The following NR2C2 variants were observed in gnomAD, a reference collection of about 807,000 sequenced individuals.
The protein encoded by NR2C2 is nuclear receptor subfamily 2 group C member 2.
NR2C2 carries 6 observed loss-of-function variants against 62.9 expected under a neutral mutation model. The ratio of observed to expected loss-of-function variants is 0.10; its 90% confidence interval spans 0.05 to 0.19. The LOEUF (loss-of-function observed/expected upper bound fraction) is 0.19, where lower values mean the gene tolerates loss of function less well. Ranked by LOEUF, NR2C2 falls within the 10% of genes least tolerant of loss-of-function variation. The pLI, the probability that NR2C2 is intolerant of heterozygous loss-of-function variation, is 1.00. For missense variants in NR2C2, 479 were observed against 762.7 expected (o/e 0.63, Z 4.38); for synonymous variants, 272 against 273.8 (o/e 0.99, Z 0.07).
intron 12 of NR2C2, chr3:15,038,817 G>A (rs753062039): frequency 1.5e-5 from 4 of 259,336 alleles, no homozygotes; most frequent in Non-Finnish European, 2.9e-5. Flanking sequence ...GTAATTTTAT[G>A]TGATAGTTTT....
At chr3:14,964,510 A>C (rs111330418) in intron 1 of NR2C2, among the ~76,000 whole-genome samples, 2 of 596 alleles carry the variant, frequency 3.4e-3, no homozygotes, top group South Asian at 0.12. Context: ...TTTCTATTTT[A>C]TATTTTTTAT....
chr3:14,978,030 A>T (rs988516891), intron 1 of NR2C2, among the ~76,000 whole-genome samples: 1 of 152,190 alleles, frequency 6.6e-6, no homozygotes, highest in African/African-American at 2.4e-5. Context: ...ATTGCACTAC[A>T]GCCTGGGTGA....
At chr3:14,996,021 G>A (rs2124878263) in intron 1 of NR2C2, among the ~76,000 whole-genome samples, 1 of 152,206 alleles carries the variant, frequency 6.6e-6, no homozygotes, top group South Asian at 2.1e-4. Flanking sequence ...ATTGGTTTTT[G>A]TCTTCTTTTC....
Position 15,030,459 on chromosome 3 carries a change from G to A in NR2C2, c.1110+7G>A, listed in dbSNP as rs148867520. 8.5e-4 allele frequency: 1,333 copies of A among 1,570,354 alleles called. 11 individuals are homozygous for A. In the African/African-American group the frequency reaches 0.017, roughly 19 times the overall value. On this transcript the variant is annotated splice_region_variant and intron_variant, in intron 9 of 13. Transcript: ENST00000425241. ...CACACACGTCACATTTAAGGTGAGTGAATTCAGCCTAACCATGTGCCCCCA... is the reference window on the plus strand; with the variant it reads ...CACACACGTCACATTTAAGGTGAGTAAATTCAGCCTAACCATGTGCCCCCA...
intron 1 of NR2C2, among the ~76,000 whole-genome samples, chr3:14,951,596 A>T (rs1041191804): frequency 3.3e-5 from 5 of 152,182 alleles, no homozygotes; most frequent in Admixed American, 2.6e-4. Flanking sequence ...TTAGTAAAAC[A>T]GCTATATGTT....
At chr3:14,958,276 TAAG>T (rs1467325799) in intron 1 of NR2C2, among the ~76,000 whole-genome samples, 1 of 152,232 alleles carries the variant, frequency 6.6e-6, no homozygotes, top group African/African-American at 2.4e-5. Context: ...AGTTACTTAA[TAAG>T]AACTGATGGA....
At chr3:14,998,408 C>T (rs889848852) in intron 1 of NR2C2, among the ~76,000 whole-genome samples, 3 of 152,214 alleles carry the variant, frequency 2.0e-5, no homozygotes, top group African/African-American at 7.2e-5. Flanking sequence ...GTTCCCATCT[C>T]CACATTTTCA....
At chr3:14,986,284 T>C (rs2040512333) in intron 1 of NR2C2, among the ~76,000 whole-genome samples, 1 of 152,138 alleles carries the variant, frequency 6.6e-6, no homozygotes, top group Non-Finnish European at 1.5e-5. Flanking sequence ...TGCTTAGGAA[T>C]AACTACCAAA....
chr3:15,044,071 A>C lies in NR2C2; in HGVS notation c.*1063A>C, dbSNP rs2042365710. 1 of 152,162 alleles carries C rather than the reference A, an allele frequency of 6.6e-6. No homozygotes were observed. The highest frequency in any genetic ancestry group is 1.5e-5 in the Non-Finnish European group (1 of 68,044). 9.4% of individuals were successfully genotyped at this position (152,162 alleles called of 1,614,324 possible). ...TACCTTCCCAGGGCTTTCCACTCCAAATGCCCCCTTGAAAAGGGCTCGTGT... is the reference window on the plus strand; with the variant it reads ...TACCTTCCCAGGGCTTTCCACTCCACATGCCCCCTTGAAAAGGGCTCGTGT... On this transcript the variant is annotated 3_prime_UTR_variant, in exon 14 of 14. Transcript: ENST00000425241.
chr3:15,000,686 T>A (rs2040963759), intron 1 of NR2C2, among the ~76,000 whole-genome samples: 1 of 152,190 alleles, frequency 6.6e-6, no homozygotes, highest in African/African-American at 2.4e-5. Context: ...AATTTTAGGA[T>A]CATTTTGTCA....
At position 15,026,705 on chromosome 3, in the gene NR2C2, G is replaced by GT. The variant is rs35422179; in HGVS notation, c.799-1872dup. The GT allele has an allele frequency of 1.2e-3, 177 of 151,350 alleles. 1 individual carries two copies. Among genetic ancestry groups the GT allele is most frequent in the Non-Finnish European group, 2.3e-3 (157 of 67,760 alleles). 9.4% of individuals were successfully genotyped at this position (151,350 alleles called of 1,614,324 possible). Reference sequence around the variant, plus strand: ...TTTTATTGCCAAATAATGCACCTCTGTTTTTTTTTAAAGACAAGAGTTTCG... The same window carrying GT: ...TTTTATTGCCAAATAATGCACCTCTGTTTTTTTTTTAAAGACAAGAGTTTCG... On this transcript the variant is annotated intron_variant, in intron 7 of 13. Transcript: ENST00000425241.
chr3:14,952,563 C>T (rs909215778), intron 1 of NR2C2, among the ~76,000 whole-genome samples: 1 of 152,140 alleles, frequency 6.6e-6, no homozygotes, highest in Admixed American at 6.5e-5. Context: ...GCTAGATTTT[C>T]GTTTACCTCT....
chr3:14,993,174 C>T (rs938655331), intron 1 of NR2C2, among the ~76,000 whole-genome samples: 2 of 152,096 alleles, frequency 1.3e-5, no homozygotes, highest in Non-Finnish European at 2.9e-5. Context: ...GGAAAAAAGG[C>T]CAAGCATGGT....
intron 1 of NR2C2, among the ~76,000 whole-genome samples, chr3:14,959,936 C>G (rs770556694): frequency 3.8e-4 from 58 of 151,922 alleles, no homozygotes; most frequent in Non-Finnish European, 8.8e-5. Context: ...TAGATTTTCC[C>G]CATATAGATA....
At chr3:14,982,370 T>C (rs895002472) in intron 1 of NR2C2, among the ~76,000 whole-genome samples, 32 of 152,214 alleles carry the variant, frequency 2.1e-4, no homozygotes, top group African/African-American at 7.2e-4. Context: ...TATACACATA[T>C]GGAAACAAAA....
At chr3:15,031,724 CCT>C (rs916366447) in intron 9 of NR2C2, among the ~76,000 whole-genome samples, 24 of 152,000 alleles carry the variant, frequency 1.6e-4, no homozygotes, top group East Asian at 7.7e-4. Context: ...GAAGTTGGCC[CCT>C]GTTACCCAGA....
intron 1 of NR2C2, among the ~76,000 whole-genome samples, chr3:14,955,980 T>G (rs1180640055): frequency 6.6e-6 from 1 of 152,234 alleles, no homozygotes; most frequent in Admixed American, 6.5e-5. Flanking sequence ...TACATATCAT[T>G]GCTGCACTTT....
At chr3:14,985,613 C>T (rs576043272) in intron 1 of NR2C2, among the ~76,000 whole-genome samples, 125 of 152,210 alleles carry the variant, frequency 8.2e-4, no homozygotes, top group Middle Eastern at 6.8e-3. Context: ...AATGGAATCA[C>T]ACTGGTTATG....
intron 1 of NR2C2, among the ~76,000 whole-genome samples, chr3:15,000,837 C>T (rs531806478): frequency 3.6e-4 from 42 of 118,092 alleles, no homozygotes; most frequent in South Asian, 3.0e-3. Context: ...TTTTTTTTGA[C>T]GGAGTCTTGC....
Sources: allele counts gnomAD v4.1 joint callset (sites outside exome capture counted in the v4.1 genomes callset), GRCh38; gene constraint gnomAD v4.1.1; transcripts MANE v1.5; gene names NCBI Gene and HGNC (gene_info 2026-07-23, HGNC 2026-07-21).